CA4: variants seen among roughly 807,000 people sequenced by gnomAD.
CA4 encodes the protein carbonic anhydrase 4, also known as CA-IV.
In CA4, 24 loss-of-function variants were observed where a neutral mutation model predicts 34.5. That is an observed-to-expected ratio of 0.70 (90% CI 0.50 to 0.98). The LOEUF is 0.98. Ranked by LOEUF, CA4 falls within the 50% of genes least tolerant of loss-of-function variation. CA4 has a pLI of 0.00. For missense variants in CA4, 394 were observed against 396.7 expected, an observed-to-expected ratio of 0.99 and a Z score of 0.06; for synonymous variants, 178 against 170.6, an observed-to-expected ratio of 1.04 and a Z score of -0.34.
intron 2 of CA4, among the ~76,000 whole-genome samples, chr17:60,155,650 A>G (rs1396965353): frequency 6.7e-6 from 1 of 150,044 alleles, no homozygotes; most frequent in Non-Finnish European, 1.5e-5. Flanking sequence ...GCACACACAC[A>G]CTCACACTCA....
In CA4 at chr17:60,158,418, G is replaced by A. The variant is rs76995634; in HGVS notation, c.716G>A (p.Arg239Gln). 2,640 of 1,614,024 alleles carry A rather than the reference G, an allele frequency of 1.6e-3. 50 individuals are homozygous for A. The African/African-American group carries it at 0.03, about 18-fold the overall frequency. ...CDEKVVWTVF[R>Q]EPIQLHREQI... ...GAGAAGGTCGTCTGGACTGTGTTCC[G>A]GGAGCCCATTCAGCTTCACAGAGAA... The change falls in exon 7 of 8, where the codon CGG becomes CAG. Residue 239 changes from arginine to glutamine, a missense_variant. Physicochemically the swap from Arg to Gln is conservative, Grantham distance 43 (BLOSUM62 1). Transcript: ENST00000300900.
chr17:60,159,367 C>T lies in CA4; in HGVS notation c.882C>T (p.Ala294=). The T allele has an allele frequency of 6.2e-7, 1 of 1,611,990 alleles. No homozygotes were observed. Among genetic ancestry groups the T allele is most frequent in the South Asian group, 1.1e-5 (1 of 90,876 alleles). ...CCCCGGGTCGGCCGCTGCCCTGGGCCCTGCCTGCCCTGCTGGGCCCCATGC... is the reference window on the plus strand; with the variant it reads ...CCCCGGGTCGGCCGCTGCCCTGGGCTCTGCCTGCCCTGCTGGGCCCCATGC... ...SGAPGRPLPW[A]LPALLGPMLA... is the part of the protein sequence containing the mutation. The change falls in exon 8 of 8, where the codon GCC becomes GCT. Residue 294 remains alanine (A), a synonymous_variant. Transcript: ENST00000300900.
At chr17:60,158,891 A>C in intron 7 of CA4, 1 of 435,192 alleles carries the variant, frequency 2.3e-6, no homozygotes, top group South Asian at 2.3e-5. Flanking sequence ...GAGCCCAGGC[A>C]TCTGGGGCCC....
chr17:60,162,000 C>T (rs780358055), downstream of CA4, among the ~76,000 whole-genome samples: 1 of 152,124 alleles, frequency 6.6e-6, no homozygotes, highest in Non-Finnish European at 1.5e-5. Flanking sequence ...CCAGGAAGTC[C>T]TGGCCTTTCC....
At chr17:60,155,222 A>G in intron 1 of CA4, 92 bp from the exon 2 acceptor site, 1 of 1,238,452 alleles carries the variant, frequency 8.1e-7, no homozygotes, top group Non-Finnish European at 1.2e-6. Flanking sequence ...AGGGGCTCCA[A>G]CCCCAGGGGT....
At chr17:60,159,140 C>T in intron 7 of CA4, 90 bp from the exon 8 acceptor site, 2 of 1,177,780 alleles carry the variant, frequency 1.7e-6, no homozygotes. Context: ...ATGAGGGCTC[C>T]CAGGACAGGA....
chr17:60,175,715 A>G (rs1346526149), downstream of CA4, among the ~76,000 whole-genome samples: 1 of 151,710 alleles, frequency 6.6e-6, no homozygotes, highest in Non-Finnish European at 1.5e-5. Flanking sequence ...CTGGCACTTA[A>G]AAGAGTTGTG....
At chr17:60,175,189 ATTTTT>A (rs555031745), downstream of CA4, among the ~76,000 whole-genome samples, 3 of 107,690 alleles carry the variant, frequency 2.8e-5, no homozygotes, top group Admixed American at 8.8e-5. Flanking sequence ...CACCCAGCTG[ATTTTT>A]TTTTTTTTTT....
At chr17:60,171,997 T>TG (rs2145314617), downstream of CA4, among the ~76,000 whole-genome samples, 1 of 152,322 alleles carries the variant, frequency 6.6e-6, no homozygotes, top group African/African-American at 2.4e-5. Flanking sequence ...GCTCTGAACC[T>TG]GGGGCTGCGG....
chr17:60,166,730 G>A (rs1280286842), intron 5 of CA4, among the ~76,000 whole-genome samples: 1 of 152,176 alleles, frequency 6.6e-6, no homozygotes, highest in African/African-American at 2.4e-5. Context: ...CCAAGGGGGG[G>A]GCGGATCACC....
At chr17:60,172,814 A>C (rs903185751), downstream of CA4, among the ~76,000 whole-genome samples, 1 of 151,756 alleles carries the variant, frequency 6.6e-6, no homozygotes, top group African/African-American at 2.4e-5. Flanking sequence ...ACTTCACTCC[A>C]GCCTGGGCGA....
downstream of CA4, chr17:60,159,634 G>A: frequency 1.6e-6 from 1 of 627,444 alleles, no homozygotes; most frequent in Non-Finnish European, 2.8e-6. Context: ...CAGGGCGGGG[G>A]CTTTAAGGCC....
At chr17:60,164,668 G>A (rs941994829) in intron 5 of CA4, among the ~76,000 whole-genome samples, 3 of 152,128 alleles carry the variant, frequency 2.0e-5, no homozygotes, top group Non-Finnish European at 4.4e-5. Flanking sequence ...TGGGATTATA[G>A]GCATGAGCCA....
chr17:60,171,240 C>A (rs563425022), downstream of CA4, among the ~76,000 whole-genome samples: 17 of 152,326 alleles, frequency 1.1e-4, no homozygotes, highest in South Asian at 3.3e-3. Context: ...CCTCTCCTTT[C>A]CCCCATCCCT....
At chr17:60,178,744 T>A in the CA4 span, among the ~76,000 whole-genome samples, 1 of 152,256 alleles carries the variant, frequency 6.6e-6, no homozygotes, top group African/African-American at 2.4e-5. Context: ...TCCTCGTCCA[T>A]GCCTTAAGAA....
chr17:60,154,833 G>A (rs2145262154), intron 1 of CA4, among the ~76,000 whole-genome samples: 1 of 152,314 alleles, frequency 6.6e-6, no homozygotes, highest in Admixed American at 6.5e-5. Flanking sequence ...CTGGGGAGGG[G>A]CCGCCTAATC....
Position 60,150,023 on chromosome 17 carries a change from C to T in CA4, c.-12C>T, listed in dbSNP as rs1472363670. The T allele has an allele frequency of 1.4e-5, 22 of 1,601,452 alleles. No homozygotes were observed. Among genetic ancestry groups the T allele is most frequent in the Non-Finnish European group, 1.8e-5 (21 of 1,178,266 alleles). On this transcript the variant is annotated 5_prime_UTR_variant, in exon 1 of 8. Transcript: ENST00000300900. ...GACCCCCGGCTCAGAGGACTCTTTG[C>T]TGTCCCGCAAGATGCGGATGCTGCT...
downstream of CA4, among the ~76,000 whole-genome samples, chr17:60,174,964 CCT>C (rs751504331): frequency 3.3e-5 from 5 of 152,160 alleles, no homozygotes; most frequent in Non-Finnish European, 7.4e-5. Context: ...AGGCCGAAGA[CCT>C]CTCTCAACGC....
intron 6 of CA4, 34 bp downstream of exon 6, chr17:60,158,161 AG>A (rs574773915): frequency 2.7e-4 from 350 of 1,296,158 alleles, no homozygotes; most frequent in African/African-American, 1.2e-3. Context: ...GCTTGGGGTG[AG>A]GGGGGGGATT....
Sources: allele counts gnomAD v4.1 joint callset (sites outside exome capture counted in the v4.1 genomes callset), GRCh38; gene constraint gnomAD v4.1.1; transcripts MANE v1.5; gene names NCBI Gene and HGNC (gene_info 2026-07-23, HGNC 2026-07-21).